HS6ST3: variants seen among roughly 807,000 people sequenced by gnomAD.
The protein encoded by HS6ST3 is heparan sulfate 6-O-sulfotransferase 3, also known as heparan-sulfate 6-O-sulfotransferase 3.
In HS6ST3, 12 loss-of-function variants were observed where a neutral mutation model predicts 36.7. The ratio of observed to expected loss-of-function variants is 0.33; its 90% confidence interval spans 0.21 to 0.53. HS6ST3 has a LOEUF of 0.53. HS6ST3 is among the 20% of genes least tolerant of loss of function. The probability of loss-of-function intolerance (pLI) is 0.95; values close to 1 mark genes in which losing one functional copy is unlikely to be tolerated. For missense variants in HS6ST3, 584 were observed against 640.9 expected (o/e 0.91, Z 0.96); for synonymous variants, 240 against 257.5 (o/e 0.93, Z 0.65).
intron 1 of HS6ST3, among the ~76,000 whole-genome samples, chr13:96,513,374 T>C (rs1424022700): frequency 1.3e-5 from 2 of 152,172 alleles, no homozygotes; most frequent in East Asian, 3.9e-4. Flanking sequence ...CCCTGTTCTC[T>C]GCTTTCTGCT....
At chr13:96,574,634 G>T (rs1391741365) in intron 1 of HS6ST3, 1 of 197,562 alleles carries the variant, frequency 5.1e-6, no homozygotes, top group African/African-American at 2.4e-5. Flanking sequence ...CTGTTGCCAA[G>T]TCTGCCTCCC....
chr13:96,721,733 T>G (rs1197007349), intron 1 of HS6ST3, among the ~76,000 whole-genome samples: 1 of 152,208 alleles, frequency 6.6e-6, no homozygotes, highest in Non-Finnish European at 1.5e-5. Context: ...TAAGATAGCA[T>G]TGTGCATTGG....
rs74697827 is a variant in HS6ST3 at position 96,367,945 on chromosome 13, T to C, written c.707+276376T>C. Reference sequence around the variant, plus strand: ...TTTCTTTTGATAGCTCAATGAAAACTCATTTCATGATGTTTATGGTTTTTT... The same window carrying C: ...TTTCTTTTGATAGCTCAATGAAAACCCATTTCATGATGTTTATGGTTTTTT... On this transcript the variant is annotated intron_variant, in intron 1 of 1. Coordinates refer to ENST00000376705, the MANE Select transcript of HS6ST3 (RefSeq NM_153456.4). Among the ~76,000 whole-genome samples the C allele has an allele frequency of 4.0e-3, 611 of 152,296 alleles. 11 individuals carry two copies. The East Asian group carries it at 0.057, about 14-fold the overall frequency.
intron 1 of HS6ST3, among the ~76,000 whole-genome samples, chr13:96,233,405 T>A (rs938214320): frequency 6.6e-6 from 1 of 152,244 alleles, no homozygotes; most frequent in Non-Finnish European, 1.5e-5. Flanking sequence ...ACTGTACCAT[T>A]GAAAGCAATA....
chr13:96,827,744 G>A (rs1231462129), intron 1 of HS6ST3, among the ~76,000 whole-genome samples: 2 of 152,154 alleles, frequency 1.3e-5, no homozygotes. Context: ...GTTTGATGCA[G>A]TGTTAAACTG....
Position 96,494,312 on chromosome 13 carries a change from C to A in HS6ST3, c.708-338178C>A, listed in dbSNP as rs370541583. On this transcript the variant is annotated intron_variant, in intron 1 of 1. Transcript: ENST00000376705. Reference sequence around the variant, plus strand: ...GCAAGGACAAAAAACCAAACACCGCCTGTTCTCACTCATAGGTGGGAATTG... The same window carrying A: ...GCAAGGACAAAAAACCAAACACCGCATGTTCTCACTCATAGGTGGGAATTG... Among the ~76,000 whole-genome samples the A allele has an allele frequency of 2.0e-3, 299 of 146,338 alleles. 2 individuals are homozygous for A. The highest frequency in any genetic ancestry group is 7.2e-3 in the African/African-American group (284 of 39,368).
At chr13:96,773,197 A>T (rs574829620) in intron 1 of HS6ST3, among the ~76,000 whole-genome samples, 105 of 152,320 alleles carry the variant, frequency 6.9e-4, no homozygotes, top group Middle Eastern at 3.4e-3. Context: ...TTGGGTGCTT[A>T]TGCCACCAGG....
At chr13:96,165,360 G>A (rs2054155519) in intron 1 of HS6ST3, among the ~76,000 whole-genome samples, 5 of 152,058 alleles carry the variant, frequency 3.3e-5, no homozygotes, top group Admixed American at 3.3e-4. Context: ...TTTGTCCTGG[G>A]GGACTTCTGT....
At chr13:96,410,213 C>T (rs1165116353) in intron 1 of HS6ST3, among the ~76,000 whole-genome samples, 1 of 151,986 alleles carries the variant, frequency 6.6e-6, no homozygotes, top group Non-Finnish European at 1.5e-5. Flanking sequence ...CTCTGTAGAA[C>T]ACTTAGACAA....
rs193227186 is a variant in HS6ST3 at position 96,837,880 on chromosome 13, T to A, written c.*4682T>A. ...AAGAAAGAAAACTCTCCCTTTTTAA[T>A]GTCTTCTTCCCCAGGCTCCTGGTAC... On this transcript the variant is annotated 3_prime_UTR_variant, in exon 2 of 2. Transcript: ENST00000376705. The A allele has an allele frequency of 2.0e-5, 3 of 152,018 alleles. No homozygotes were observed. In the East Asian group the frequency reaches 5.8e-4, roughly 29 times the overall value. The allele number at this position is 152,018 out of a possible 1,614,324, so 9.4% of individuals were successfully genotyped here.
chr13:96,480,352 G>C (rs2055884626), intron 1 of HS6ST3, among the ~76,000 whole-genome samples: 1 of 152,126 alleles, frequency 6.6e-6, no homozygotes, highest in African/African-American at 2.4e-5. Context: ...GACCTCAGGT[G>C]ATCTGCCCGC....
chr13:96,100,792 T>TG (rs1429338474), intron 1 of HS6ST3, among the ~76,000 whole-genome samples: 1 of 152,212 alleles, frequency 6.6e-6, no homozygotes, highest in African/African-American at 2.4e-5. Context: ...AAAATGGATT[T>TG]GGGGTCCAGT....
intron 1 of HS6ST3, among the ~76,000 whole-genome samples, chr13:96,808,214 A>G (rs190631853): frequency 1.7e-3 from 258 of 152,328 alleles, no homozygotes; most frequent in African/African-American, 5.7e-3. Context: ...ATGAAAAAGT[A>G]CTTTTGTCAG....
At chr13:96,784,515 T>C (rs1877596582) in intron 1 of HS6ST3, among the ~76,000 whole-genome samples, 1 of 152,220 alleles carries the variant, frequency 6.6e-6, no homozygotes, top group African/African-American at 2.4e-5. Flanking sequence ...GATAATGTCA[T>C]CATTATTTTT....
intron 1 of HS6ST3, among the ~76,000 whole-genome samples, chr13:96,224,397 T>C (rs951258444): frequency 1.3e-5 from 2 of 152,128 alleles, no homozygotes; most frequent in African/African-American, 4.8e-5. Flanking sequence ...CACCAATTCA[T>C]GGCAGCCTCG....
At chr13:96,239,257 G>A (rs1016947348) in intron 1 of HS6ST3, among the ~76,000 whole-genome samples, 13 of 152,230 alleles carry the variant, frequency 8.5e-5, no homozygotes, top group African/African-American at 2.2e-4. Flanking sequence ...TGTGTACCAC[G>A]GAAATAGTTC....
In HS6ST3 at chr13:96,658,268, C is replaced by CTTTTTTTTTTTTTTTTTTTT. The variant is rs71213623; in HGVS notation, c.708-174211_708-174192dup. The stretch of plus-strand genomic sequence containing the variant: ...TTCTTCTTCTTCTTCTCTTCTTCTT[C>CTTTTTTTTTTTTTTTTTTTT]TTTTTTTTTTTTTTTTTTTTTTTTT... On this transcript the variant is annotated intron_variant, in intron 1 of 1. Transcript: ENST00000376705. Among the ~76,000 whole-genome samples, 92 of 76,140 alleles carry CTTTTTTTTTTTTTTTTTTTT rather than the reference C, an allele frequency of 1.2e-3. 8 individuals carry two copies. Among genetic ancestry groups the CTTTTTTTTTTTTTTTTTTTT allele is most frequent in the East Asian group, 4.6e-3 (9 of 1,940 alleles). The allele number at this position is 76,140 out of a possible 152,430, so 50.0% of individuals were successfully genotyped here.
chr13:96,556,660 G>C (rs2056242053), intron 1 of HS6ST3, among the ~76,000 whole-genome samples: 1 of 152,150 alleles, frequency 6.6e-6, no homozygotes, highest in Admixed American at 6.6e-5. Flanking sequence ...GTTTTGAAAA[G>C]ATGAATGCAT....
intron 1 of HS6ST3, among the ~76,000 whole-genome samples, chr13:96,613,952 C>T (rs1350929398): frequency 1.3e-5 from 2 of 152,086 alleles, no homozygotes; most frequent in Non-Finnish European, 2.9e-5. Flanking sequence ...TGTAAGGTAT[C>T]CCTCCATCTG....
Sources: allele counts gnomAD v4.1 joint callset (sites outside exome capture counted in the v4.1 genomes callset), GRCh38; gene constraint gnomAD v4.1.1; transcripts MANE v1.5; gene names NCBI Gene and HGNC (gene_info 2026-07-23, HGNC 2026-07-21).